Variants in CHST9 observed in about 807,000 individuals in gnomAD.
The protein encoded by CHST9 is GalNAc-4-sulfotransferase 2.
In CHST9, 41 loss-of-function variants were observed where a neutral mutation model predicts 44.4. That is an observed-to-expected ratio of 0.92 (90% CI 0.72 to 1.20). The LOEUF (loss-of-function observed/expected upper bound fraction) is 1.20. Among genes scored for constraint, CHST9 ranks in the 50% most tolerant of loss-of-function variants. CHST9 has a pLI of 0.00. For missense variants in CHST9, 504 were observed against 516.5 expected (o/e 0.98, Z 0.23); for synonymous variants, 171 against 178.4 (o/e 0.96, Z 0.33).
intron 5 of CHST9, among the ~76,000 whole-genome samples, chr18:26,919,190 C>A (rs2055598523): frequency 6.6e-6 from 1 of 152,168 alleles, no homozygotes; most frequent in Non-Finnish European, 1.5e-5. Flanking sequence ...AGCTACAATT[C>A]AAGATGAGAT....
In CHST9 at chr18:26,916,576, C is replaced by A; in HGVS notation, c.1015G>T (p.Asp339Tyr). 1 of 1,613,782 alleles carries A rather than the reference C, an allele frequency of 6.2e-7. No individual in the cohort carries two copies. The highest frequency in any genetic ancestry group is 8.5e-7 in the Non-Finnish European group (1 of 1,179,716). Residue 339 changes from aspartate to tyrosine, a missense_variant, in exon 6 of 6, where the codon GAT becomes TAT. Transcript: ENST00000618847. ...KFKEFIHYLL[D>Y]SHRPVGMDIH... is the part of the protein sequence containing the mutation. ...TCCATTCCTACTGGACGGTGGGAAT[C>A]CAGCAAGTAGTGGATAAACTCTTTG...
At chr18:27,140,182 G>C (rs1027899268) in intron 2 of CHST9, among the ~76,000 whole-genome samples, 1 of 152,086 alleles carries the variant, frequency 6.6e-6, no homozygotes, top group Admixed American at 6.5e-5. Flanking sequence ...CGTGGACCTC[G>C]TAGCAGTACA....
intron 2 of CHST9, among the ~76,000 whole-genome samples, chr18:27,082,984 G>C (rs537649381): frequency 1.3e-5 from 2 of 152,106 alleles, no homozygotes; most frequent in African/African-American, 4.8e-5. Context: ...TCTTATGTTA[G>C]ACAGGTTATT....
intron 5 of CHST9, among the ~76,000 whole-genome samples, chr18:26,922,723 C>T (rs1276159418): frequency 6.6e-6 from 1 of 152,236 alleles, no homozygotes; most frequent in Non-Finnish European, 1.5e-5. Flanking sequence ...GCAGCCTCTG[C>T]CTCCTGGGTT....
At chr18:27,153,922 T>C (rs1410269586) in intron 1 of CHST9, among the ~76,000 whole-genome samples, 1 of 152,102 alleles carries the variant, frequency 6.6e-6, no homozygotes, top group Non-Finnish European at 1.5e-5. Flanking sequence ...AGCATGTAGT[T>C]CCTGCTGTTG....
At chr18:27,040,889 T>G (rs2057437770) in intron 3 of CHST9, among the ~76,000 whole-genome samples, 1 of 152,160 alleles carries the variant, frequency 6.6e-6, no homozygotes, top group African/African-American at 2.4e-5. Context: ...TAACACTCCT[T>G]GCACAAGCCA....
At chr18:26,976,012 A>G (rs1255633157) in intron 4 of CHST9, among the ~76,000 whole-genome samples, 1 of 151,656 alleles carries the variant, frequency 6.6e-6, no homozygotes, top group African/African-American at 2.4e-5. Flanking sequence ...AGCCCGAGCA[A>G]TCTTCTCATG....
intron 1 of CHST9, among the ~76,000 whole-genome samples, chr18:27,143,733 G>A (rs1419613874): frequency 1.3e-5 from 2 of 151,936 alleles, no homozygotes; most frequent in African/African-American, 2.4e-5. Context: ...AAGAATCCCT[G>A]TTCCCCAGTG....
chr18:27,051,815 T>C (rs1001360514), intron 2 of CHST9, among the ~76,000 whole-genome samples: 1 of 152,184 alleles, frequency 6.6e-6, no homozygotes, highest in Non-Finnish European at 1.5e-5. Context: ...TAAATATATG[T>C]TTCAAAAGTC....
At chr18:27,105,511 T>C (rs1332975518) in intron 2 of CHST9, among the ~76,000 whole-genome samples, 1 of 152,052 alleles carries the variant, frequency 6.6e-6, no homozygotes, top group Non-Finnish European at 1.5e-5. Context: ...GTAGGTTTGG[T>C]GTATGAGAAA....
At chr18:26,942,617 C>T (rs1286728548) in intron 5 of CHST9, among the ~76,000 whole-genome samples, 1 of 151,960 alleles carries the variant, frequency 6.6e-6, no homozygotes, top group Non-Finnish European at 1.5e-5. Flanking sequence ...TATTTTTTGA[C>T]CAATTGCTTT....
At chr18:26,949,356 TG>T (rs928025337) in intron 4 of CHST9, among the ~76,000 whole-genome samples, 3 of 151,686 alleles carry the variant, frequency 2.0e-5, no homozygotes, top group Non-Finnish European at 4.4e-5. Context: ...AAAGATACAA[TG>T]AGAATACAGC....
chr18:27,004,648 A>G (rs1267791220), intron 4 of CHST9, among the ~76,000 whole-genome samples: 1 of 152,152 alleles, frequency 6.6e-6, no homozygotes, highest in African/African-American at 2.4e-5. Context: ...GACAAGGTCC[A>G]ATTTCAAAAT....
Position 26,908,873 on chromosome 18 carries a change from G to A in CHST9, c.*7386C>T, listed in dbSNP as rs1304782439. On this transcript the variant is annotated 3_prime_UTR_variant, in exon 6 of 6. Coordinates refer to ENST00000618847, the MANE Select transcript of CHST9 (RefSeq NM_031422.6). ...TTGCTCTCAAACTAATAACCAAATA[G>A]CAAATATTTTCCATTTTCAATCATC... 1 of 152,096 alleles carries A rather than the reference G, an allele frequency of 6.6e-6. No individual in the cohort carries two copies. Among genetic ancestry groups the A allele is most frequent in the Non-Finnish European group, 1.5e-5 (1 of 68,006 alleles). 9.4% of individuals were successfully genotyped at this position (152,096 alleles called of 1,614,324 possible).
intron 2 of CHST9, 94 bp downstream of exon 2, chr18:27,142,595 G>T: frequency 1.2e-6 from 1 of 864,398 alleles, no homozygotes; most frequent in Non-Finnish European, 1.6e-6. Context: ...AAAATATTGT[G>T]ATTCTCAATA....
rs2055501070 is a variant in CHST9 at position 26,915,393 on chromosome 18, T to C, written c.*866A>G. ...AAACTTTGTTATTGTTTGAGTTCCA[T>C]ATTCAGAATGGCAACTTTTGTTTTT... is the stretch of plus-strand genomic sequence containing the variant. On this transcript the variant is annotated 3_prime_UTR_variant, in exon 6 of 6. Coordinates refer to ENST00000618847, the MANE Select transcript of CHST9 (RefSeq NM_031422.6). The C allele has an allele frequency of 6.4e-6, 1 of 156,490 alleles. No individual in the cohort carries two copies. 9.7% of individuals were successfully genotyped at this position (156,490 alleles called of 1,614,324 possible). A position where few individuals can be genotyped will look rare whatever the true frequency, so the allele number is the denominator to read the frequency against.
intron 2 of CHST9, among the ~76,000 whole-genome samples, chr18:27,049,512 C>T (rs2057541540): frequency 6.6e-6 from 1 of 152,034 alleles, no homozygotes; most frequent in African/African-American, 2.4e-5. Flanking sequence ...AAAACAAATA[C>T]TACTAGATCT....
At chr18:27,015,655 G>T (rs1429630352) in intron 4 of CHST9, among the ~76,000 whole-genome samples, 1 of 152,110 alleles carries the variant, frequency 6.6e-6, no homozygotes, top group Non-Finnish European at 1.5e-5. Context: ...GGTTATGTAG[G>T]GGCTTCTATA....
chr18:27,108,846 C>T (rs1416381541), intron 2 of CHST9, among the ~76,000 whole-genome samples: 1 of 152,150 alleles, frequency 6.6e-6, no homozygotes, highest in Admixed American at 6.5e-5. Context: ...TTTTTTAATT[C>T]TGGTCCTTAA....
Sources: allele counts gnomAD v4.1 joint callset (sites outside exome capture counted in the v4.1 genomes callset), GRCh38; gene constraint gnomAD v4.1.1; transcripts MANE v1.5; gene names NCBI Gene and HGNC (gene_info 2026-07-23, HGNC 2026-07-21).